The following FSIP2 variants were observed in gnomAD, a reference collection of about 807,000 sequenced individuals.
FSIP2 encodes fibrous sheath-interacting protein 2.
A neutral mutation model predicts 510.5 loss-of-function variants in FSIP2; 367 were observed. That is an observed-to-expected ratio of 0.72 (90% CI 0.66 to 0.78). FSIP2 has a LOEUF of 0.78. Among genes scored for constraint, FSIP2 ranks in the 30% least tolerant of loss-of-function variants. FSIP2 has a pLI of 0.00. For synonymous variants in FSIP2, 2,601 were observed against 2,732.2 expected (o/e 0.95, Z 1.50); for missense variants, 7,594 against 7,901.7 (o/e 0.96, Z 1.48).
Position 185,792,402 on chromosome 2 carries a change from T to C in FSIP2, c.5266T>C (p.Trp1756Arg). The part of the protein sequence containing the change: ...EEVKTRSLKQ[W>R]ALEKTLNKIE... ...AGTGAAAACACGTTCTCTTAAACAA[T>C]GGGCTCTCGAAAAAACCTTAAACAA... Residue 1756 changes from tryptophan to arginine, a missense_variant, in exon 16 of 23, where the codon TGG (tryptophan) becomes CGG (arginine). Physicochemically the swap from Trp to Arg is moderately radical, Grantham distance 101. Transcript: ENST00000424728. 1 of 1,533,914 alleles carries C rather than the reference T, an allele frequency of 6.5e-7. No homozygotes were observed. The highest frequency in any genetic ancestry group is 8.7e-7 in the Non-Finnish European group (1 of 1,145,452).
In FSIP2 at chr2:185,808,103, C is replaced by T. The variant is rs201083424; in HGVS notation, c.18797C>T (p.Ser6266Phe). ...ACCAGTGTTTTAAAGCACTCTGGCTCTTATACTTCTGTATTTAAAGATTTA... is the reference window on the plus strand; with the variant it reads ...ACCAGTGTTTTAAAGCACTCTGGCTTTTATACTTCTGTATTTAAAGATTTA... ...IYTSVLKHSG[S>F]YTSVFKDLMG... Residue 6266 changes from serine (S) to phenylalanine (F), a missense_variant, in exon 17 of 23, where the codon TCT (serine) becomes TTT (phenylalanine). Transcript: ENST00000424728. 290 of 1,606,072 alleles carry T rather than the reference C, an allele frequency of 1.8e-4. 2 individuals carry two copies. In the South Asian group the frequency reaches 3.0e-3, roughly 17 times the overall value.
In FSIP2 at chr2:185,801,620, A is replaced by G; in HGVS notation, c.12314A>G (p.Tyr4105Cys). 2 of 1,532,334 alleles carry G rather than the reference A, an allele frequency of 1.3e-6. No homozygotes were observed. The highest frequency in any genetic ancestry group is 1.7e-6 in the Non-Finnish European group (2 of 1,144,984). The allele number at this position is 1,532,334 out of a possible 1,614,324, so 94.9% of individuals were successfully genotyped here. Reference sequence around the variant, plus strand: ...AAGGAACATCTCATACCCCATTCATATTACCCTCTCAAACCTGAAATTATA... The same window carrying G: ...AAGGAACATCTCATACCCCATTCATGTTACCCTCTCAAACCTGAAATTATA... ...CFKEHLIPHSYYPLKPEIILQ... is the reference protein window; with the variant it reads ...CFKEHLIPHSCYPLKPEIILQ... Residue 4105 changes from tyrosine to cysteine, a missense_variant, in exon 17 of 23, where the codon TAT becomes TGT. Coordinates refer to ENST00000424728, the MANE Select transcript of FSIP2 (RefSeq NM_173651.4).
intron 22 of FSIP2, among the ~76,000 whole-genome samples, chr2:185,832,619 G>C (rs1694128903): frequency 6.6e-6 from 1 of 151,478 alleles, no homozygotes; most frequent in East Asian, 1.9e-4. Flanking sequence ...AAACTGAGAT[G>C]ATTATATTCT....
At chr2:185,779,733 T>C (rs527278121) in intron 13 of FSIP2, among the ~76,000 whole-genome samples, 1 of 152,284 alleles carries the variant, frequency 6.6e-6, no homozygotes, top group South Asian at 2.1e-4. Context: ...CTTATTTTGT[T>C]CTCCACTCAT....
At chr2:185,814,136 C>G in intron 18 of FSIP2, 94 bp downstream of exon 18, 1 of 1,249,300 alleles carries the variant, frequency 8.0e-7, no homozygotes, top group Non-Finnish European at 1.1e-6. Context: ...GAAAAGAATG[C>G]TAAAATGAAT....
intron 17 of FSIP2, among the ~76,000 whole-genome samples, chr2:185,809,612 T>C (rs1693682365): frequency 6.6e-6 from 1 of 152,118 alleles, no homozygotes; most frequent in Non-Finnish European, 1.5e-5. Flanking sequence ...CATTTCCTTT[T>C]AGTAACACTC....
At chr2:185,759,727 G>A (rs1692313648) in intron 9 of FSIP2, among the ~76,000 whole-genome samples, 1 of 148,396 alleles carries the variant, frequency 6.7e-6, no homozygotes, top group Admixed American at 6.8e-5. Flanking sequence ...TGGGGGAATT[G>A]AACGAATTTT....
intron 16 of FSIP2, chr2:185,797,772 T>C: frequency 4.9e-6 from 2 of 410,962 alleles, no homozygotes; most frequent in Non-Finnish European, 8.8e-6. Flanking sequence ...TCCTGCAGCC[T>C]TGAACTCCTG....
At chr2:185,747,775 T>G (rs1692062822) in intron 7 of FSIP2, among the ~76,000 whole-genome samples, 1 of 151,988 alleles carries the variant, frequency 6.6e-6, no homozygotes, top group Admixed American at 6.6e-5. Flanking sequence ...ACTTTTTATC[T>G]TTAATAATAT....
chr2:185,746,405 T>G (rs893899568), intron 5 of FSIP2, among the ~76,000 whole-genome samples: 6 of 152,098 alleles, frequency 3.9e-5, no homozygotes, highest in Non-Finnish European at 8.8e-5. Flanking sequence ...TTTGAGTAAC[T>G]TTGCTCTGCT....
At chr2:185,774,637 T>G (rs753270842) in intron 13 of FSIP2, among the ~76,000 whole-genome samples, 27 of 150,524 alleles carry the variant, frequency 1.8e-4, no homozygotes, top group Non-Finnish European at 1.0e-4. Flanking sequence ...TTGTGCAGGT[T>G]AGTTACATAC....
intron 13 of FSIP2, among the ~76,000 whole-genome samples, chr2:185,774,420 ACTTTAT>A (rs1346752837): frequency 2.0e-5 from 3 of 152,106 alleles, no homozygotes; most frequent in Admixed American, 6.6e-5. Flanking sequence ...TTAAAACTTC[ACTTTAT>A]CTTTATCCCT....
intron 13 of FSIP2, among the ~76,000 whole-genome samples, chr2:185,779,548 G>A (rs565288178): frequency 6.6e-6 from 1 of 152,054 alleles, no homozygotes; most frequent in African/African-American, 2.4e-5. Flanking sequence ...TTATGTTGAA[G>A]TATATTTAAA....
Position 185,801,568 on chromosome 2 carries a change from T to G in FSIP2, c.12262T>G (p.Leu4088Val). 6.5e-7 allele frequency: 1 copy of G among 1,534,186 alleles called. No individual in the cohort carries two copies. The change falls in exon 17 of 23, where the codon TTA becomes GTA. Residue 4088 changes from leucine to valine, a missense_variant. Physicochemically the swap from Leu to Val is conservative, Grantham distance 32. Transcript: ENST00000424728. ...AACAAATGGCATATTGTTAGAGATTTTAGACTACAAACTGCCATCTTGCTT... is the reference window on the plus strand; with the variant it reads ...AACAAATGGCATATTGTTAGAGATTGTAGACTACAAACTGCCATCTTGCTT... ...QITNGILLEI[L>V]DYKLPSCFKE...
chr2:185,763,312 C>G (rs970343756), intron 12 of FSIP2, 23 bp downstream of exon 12: 1 of 877,176 alleles, frequency 1.1e-6, no homozygotes, highest in South Asian at 1.4e-5. Flanking sequence ...TCTTTTACCC[C>G]AAATACAAAC....
At chr2:185,770,583 A>G (rs1236414778) in intron 13 of FSIP2, among the ~76,000 whole-genome samples, 2 of 152,160 alleles carry the variant, frequency 1.3e-5, no homozygotes, top group African/African-American at 2.4e-5. Context: ...ATCCATTCCC[A>G]TGACCAAAGC....
In FSIP2 at chr2:185,792,723, A is replaced by G. The variant is rs1298945408; in HGVS notation, c.5587A>G (p.Asn1863Asp). The G allele has an allele frequency of 5.2e-6, 8 of 1,534,076 alleles. No individual in the cohort carries two copies. Among genetic ancestry groups the G allele is most frequent in the Non-Finnish European group, 7.0e-6 (8 of 1,145,550 alleles). Residue 1863 changes from asparagine to aspartate, a missense_variant, in exon 16 of 23, where the codon AAT becomes GAT. By Grantham distance (23) the Asn-to-Asp change is conservative. Transcript: ENST00000424728. Reference sequence around the variant, plus strand: ...TTATTCAGCTGCCATGACAGAAAGAAATGTAAGGGAAAATAGGTATAAAAC... The same window carrying G: ...TTATTCAGCTGCCATGACAGAAAGAGATGTAAGGGAAAATAGGTATAAAAC... ...KLYSAAMTER[N>D]VRENRYKTIT...
chr2:185,777,604 T>C (rs1692754248), intron 13 of FSIP2, among the ~76,000 whole-genome samples: 1 of 152,146 alleles, frequency 6.6e-6, no homozygotes, highest in Admixed American at 6.5e-5. Context: ...CAAAACTTCC[T>C]TATTAGTGGT....
chr2:185,790,847 C>T lies in FSIP2; in HGVS notation c.3711C>T (p.Asp1237=), dbSNP rs548470842. 3.3e-5 allele frequency: 50 copies of T among 1,532,604 alleles called. No individual in the cohort carries two copies. Among genetic ancestry groups the T allele is most frequent in the Non-Finnish European group, 4.0e-5 (46 of 1,144,738 alleles). 94.9% of individuals were successfully genotyped at this position (1,532,604 alleles called of 1,614,324 possible). ...EKKMKYLSLF[D]VDPEKPPWLK... ...AAATGAAATATTTATCTTTATTTGA[C>T]GTTGATCCTGAAAAGCCTCCCTGGT... Residue 1237 remains aspartate (D), a synonymous_variant, in exon 16 of 23, where the codon GAC becomes GAT. Transcript: ENST00000424728.
Sources: allele counts gnomAD v4.1 joint callset (sites outside exome capture counted in the v4.1 genomes callset), GRCh38; gene constraint gnomAD v4.1.1; transcripts MANE v1.5; gene names NCBI Gene and HGNC (gene_info 2026-07-23, HGNC 2026-07-21).